The following USP32 variants were observed in gnomAD, a reference collection of about 807,000 sequenced individuals.
The protein encoded by USP32 is ubiquitin specific peptidase 32.
A neutral mutation model predicts 204.8 loss-of-function variants in USP32; 59 were observed. That is an observed-to-expected ratio of 0.29 (90% confidence interval 0.23 to 0.36). USP32 has a LOEUF of 0.36. Among genes scored for constraint, USP32 ranks in the 10% least tolerant of loss-of-function variants. The pLI is 1.00. For missense variants in USP32, 1,160 were observed against 1,946.4 expected (o/e 0.60, Z 7.60); for synonymous variants, 517 against 678.4 (o/e 0.76, Z 3.70).
At chr17:60,392,184 C>T, upstream of USP32, 2 of 542,296 alleles carry the variant, frequency 3.7e-6, no homozygotes, top group Non-Finnish European at 6.5e-6. Context: ...GCCCTTCTCT[C>T]TCCTCTCTCT....
At chr17:60,263,115 C>T (rs1009946791) in intron 9 of USP32, among the ~76,000 whole-genome samples, 4 of 152,010 alleles carry the variant, frequency 2.6e-5, no homozygotes, top group African/African-American at 7.2e-5. Flanking sequence ...TGCCTGGCTA[C>T]GTTTTTTCTT....
intron 31 of USP32, among the ~76,000 whole-genome samples, chr17:60,182,411 T>C (rs2084134249): frequency 1.3e-5 from 2 of 152,226 alleles, no homozygotes; most frequent in African/African-American, 4.8e-5. Context: ...TCTCACACCA[T>C]TGTACATTTG....
intron 11 of USP32, among the ~76,000 whole-genome samples, chr17:60,250,594 G>A (rs990587764): frequency 2.0e-5 from 3 of 152,024 alleles, no homozygotes; most frequent in African/African-American, 7.2e-5. Context: ...CTAAAAACTA[G>A]AGACAATCAA....
chr17:60,212,133 T>G, intron 18 of USP32, 35 bp from the exon 19 acceptor site: 1 of 1,529,408 alleles, frequency 6.5e-7, no homozygotes, highest in Non-Finnish European at 8.9e-7. Context: ...TAATTTCTTA[T>G]CTATCTAATT....
chr17:60,327,964 G>T (rs1488884643), intron 2 of USP32, among the ~76,000 whole-genome samples: 1 of 152,268 alleles, frequency 6.6e-6, no homozygotes, highest in Non-Finnish European at 1.5e-5. Flanking sequence ...GGAGATTAGT[G>T]CAGCTCGGTG....
chr17:60,181,190 GTTAACT>G, intron 32 of USP32, 128 bp downstream of exon 32: 1 of 1,217,016 alleles, frequency 8.2e-7, no homozygotes, highest in South Asian at 1.5e-5. Context: ...AGATTTCTGT[GTTAACT>G]TTGTCTATCA....
At chr17:60,407,360 T>C (rs1391449527) in intron 1 of USP32, among the ~76,000 whole-genome samples, 2 of 152,240 alleles carry the variant, frequency 1.3e-5, no homozygotes, top group African/African-American at 4.8e-5. Context: ...TTCCCAGAGC[T>C]AGGAAACATA....
chr17:60,299,203 A>C (rs1476791405), intron 3 of USP32, among the ~76,000 whole-genome samples: 1 of 152,234 alleles, frequency 6.6e-6, no homozygotes, highest in African/African-American at 2.4e-5. Context: ...ATATATGTGC[A>C]TATTATTGTA....
chr17:60,366,560 C>T (rs957274758), intron 1 of USP32, among the ~76,000 whole-genome samples: 1 of 152,042 alleles, frequency 6.6e-6, no homozygotes, highest in Non-Finnish European at 1.5e-5. Flanking sequence ...GCCACTGCAC[C>T]CAGCCCGCCA....
At chr17:60,350,799 C>A (rs1324598917) in intron 1 of USP32, among the ~76,000 whole-genome samples, 1 of 151,968 alleles carries the variant, frequency 6.6e-6, no homozygotes, top group Non-Finnish European at 1.5e-5. Flanking sequence ...TATAATGTAC[C>A]CTACTCGGGT....
At chr17:60,332,060 T>G (rs1268100047) in intron 2 of USP32, among the ~76,000 whole-genome samples, 1 of 151,974 alleles carries the variant, frequency 6.6e-6, no homozygotes, top group South Asian at 2.1e-4. Flanking sequence ...TTTGGCAACA[T>G]AGCGAAACCC....
At chr17:60,340,660 C>T (rs367716124) in intron 2 of USP32, among the ~76,000 whole-genome samples, 17 of 152,242 alleles carry the variant, frequency 1.1e-4, no homozygotes, top group African/African-American at 3.9e-4. Flanking sequence ...GGGCATTTAG[C>T]CCATTTACAT....
rs1270263968 is a variant in USP32, at chr17:60,247,744, C to T, written c.1136+4637G>A. Among the ~76,000 whole-genome samples, 4 of 151,592 alleles carry T rather than the reference C, an allele frequency of 2.6e-5. No homozygotes were observed. The East Asian group carries it at 5.8e-4, about 22-fold the overall frequency. On this transcript the variant is annotated intron_variant, in intron 11 of 33. Transcript: ENST00000300896. Reference sequence around the variant, plus strand: ...TGTTGCCCAGGCTGGAGTGCAGTGGCGTGATCTTGGCTCATTGCAACCTCC... The same window carrying T: ...TGTTGCCCAGGCTGGAGTGCAGTGGTGTGATCTTGGCTCATTGCAACCTCC...
intron 30 of USP32, among the ~76,000 whole-genome samples, chr17:60,183,692 T>C (rs1458875541): frequency 6.6e-6 from 1 of 152,252 alleles, no homozygotes; most frequent in Non-Finnish European, 1.5e-5. Flanking sequence ...GCCACGTGAC[T>C]GCGCAGTGGG....
chr17:60,223,663 G>A, intron 13 of USP32, 77 bp from the exon 14 acceptor site: 1 of 1,246,524 alleles, frequency 8.0e-7, no homozygotes, highest in Non-Finnish European at 1.1e-6. Flanking sequence ...TGAACTCAAT[G>A]CCCATGTATT....
Position 60,312,615 on chromosome 17 carries a change from AT to A in USP32, c.187-10912del, listed in dbSNP as rs1382102882. ...GCCATCACACCTTGCTAATTTTTTC[AT>A]TTTTTTGTAAAGATGGGATCTTACT... On this transcript the variant is annotated intron_variant, in intron 2 of 33. Coordinates refer to ENST00000300896, the MANE Select transcript of USP32 (RefSeq NM_032582.4). Among the ~76,000 whole-genome samples the A allele has an allele frequency of 5.3e-5, 8 of 151,620 alleles. No individual in the cohort carries two copies. In the East Asian group the frequency reaches 1.6e-3, roughly 29 times the overall value.
intron 1 of USP32, among the ~76,000 whole-genome samples, chr17:60,407,153 C>T (rs541564739): frequency 7.9e-5 from 12 of 152,250 alleles, no homozygotes; most frequent in Admixed American, 4.6e-4. Flanking sequence ...TCACTGAGGA[C>T]GCACAGATTG....
intron 11 of USP32, 100 bp downstream of exon 11, chr17:60,252,281 T>C: frequency 1.1e-6 from 1 of 920,132 alleles, no homozygotes; most frequent in Non-Finnish European, 1.6e-6. Flanking sequence ...TTTTGAGAAA[T>C]AGTTAATGAT....
chr17:60,192,972 G>C (rs865989156), intron 27 of USP32, 42 bp from the exon 28 acceptor site: 2 of 1,605,058 alleles, frequency 1.2e-6, no homozygotes, highest in African/African-American at 1.3e-5. Context: ...AAGCATTTCT[G>C]GTTCGAGGTC....
Sources: gnomAD v4.1 joint callset for allele counts (sites outside exome capture counted in the v4.1 genomes callset) on GRCh38, gnomAD v4.1.1 for gene constraint, MANE v1.5 for transcripts, NCBI Gene and HGNC (gene_info 2026-07-23, HGNC 2026-07-21) for gene names.